The following CRYL1 variants were observed in gnomAD, a reference collection of about 807,000 sequenced individuals.
CRYL1 encodes the protein lambda-crystallin homolog.
In CRYL1, 29 loss-of-function variants were observed where a neutral mutation model predicts 36.6. The observed-to-expected ratio is 0.79, with a 90% CI of 0.59 to 1.08. The LOEUF (loss-of-function observed/expected upper bound fraction) is 1.08. CRYL1 is among the 50% of genes least tolerant of loss of function. The probability of loss-of-function intolerance (pLI) is 0.00; values close to 1 mark genes in which losing one functional copy is unlikely to be tolerated. For missense variants in CRYL1, 411 were observed against 407.9 expected (o/e 1.01, Z -0.06); for synonymous variants, 152 against 151.5 (o/e 1.00, Z -0.02).
At position 20,512,165 on chromosome 13, in the gene CRYL1, G is replaced by A. The variant is rs111691268; in HGVS notation, c.149+278C>T. 4.3e-3 allele frequency among the ~76,000 whole-genome samples: 648 copies of A among 152,276 alleles called. 3 individuals carry two copies. Among genetic ancestry groups the A allele is most frequent in the African/African-American group, 0.015 (622 of 41,554 alleles). On this transcript the variant is annotated intron_variant, in intron 2 of 7. Transcript: ENST00000298248. ...CAGGAAACCCCAGCCCTCCAGCCCC[G>A]GGGCAAACAGCTGGAGAAGCCTGCA... is the stretch of plus-strand genomic sequence containing the variant.
At chr13:20,490,203 CA>C (rs1254571485) in intron 2 of CRYL1, among the ~76,000 whole-genome samples, 1 of 152,128 alleles carries the variant, frequency 6.6e-6, no homozygotes, top group Non-Finnish European at 1.5e-5. Context: ...CCAGCCTGGC[CA>C]GCATGGTGAA....
intron 5 of CRYL1, among the ~76,000 whole-genome samples, chr13:20,414,031 C>T (rs962571176): frequency 1.3e-5 from 2 of 151,836 alleles, no homozygotes; most frequent in Non-Finnish European, 2.9e-5. Context: ...AAAAATTCGC[C>T]GGGCATGGTG....
intron 3 of CRYL1, among the ~76,000 whole-genome samples, chr13:20,447,906 A>G (rs1443212021): frequency 1.3e-5 from 2 of 152,232 alleles, no homozygotes; most frequent in Non-Finnish European, 2.9e-5. Context: ...TCTCCTATTC[A>G]GGTATCTGAC....
At chr13:20,464,447 G>A (rs7337656) in intron 3 of CRYL1, among the ~76,000 whole-genome samples, 146,238 of 152,286 alleles carry the variant, frequency 0.96, 70,478 homozygotes, top group East Asian at 1. Context: ...ACAAAATAGT[G>A]TTACTGTTAT....
chr13:20,472,630 C>T (rs1048188948), intron 3 of CRYL1, among the ~76,000 whole-genome samples: 3 of 152,244 alleles, frequency 2.0e-5, no homozygotes, highest in Admixed American at 6.5e-5. Context: ...CTCCCAACCA[C>T]TGCCTTTACC....
intron 1 of CRYL1, among the ~76,000 whole-genome samples, chr13:20,519,488 C>T (rs111562328): frequency 0.025 from 3,776 of 151,684 alleles, 156 homozygotes; most frequent in African/African-American, 0.086. Flanking sequence ...ATGGGTTGGG[C>T]GCAGTGGCTC....
intron 3 of CRYL1, among the ~76,000 whole-genome samples, chr13:20,461,187 CT>C (rs1304453548): frequency 1.3e-5 from 2 of 152,180 alleles, no homozygotes; most frequent in Non-Finnish European, 2.9e-5. Flanking sequence ...GGGCATTTGT[CT>C]TTTTCTTACT....
intron 3 of CRYL1, among the ~76,000 whole-genome samples, chr13:20,440,120 T>G (rs966998653): frequency 6.6e-6 from 1 of 152,214 alleles, no homozygotes; most frequent in South Asian, 2.1e-4. Flanking sequence ...CCCTCCAGTT[T>G]CATGCCAGCT....
chr13:20,416,682 TTAGAATCGTATTTAG>T (rs2031675024), intron 5 of CRYL1, among the ~76,000 whole-genome samples: 1 of 152,250 alleles, frequency 6.6e-6, no homozygotes, highest in Admixed American at 6.5e-5. Flanking sequence ...CTTGGCTCTT[TTAGAATCGTATTTAG>T]TATTTTTAGA....
intron 2 of CRYL1, among the ~76,000 whole-genome samples, chr13:20,507,710 A>C (rs376850585): frequency 6.6e-6 from 1 of 152,136 alleles, no homozygotes; most frequent in Non-Finnish European, 1.5e-5. Flanking sequence ...CAAGGTCAGG[A>C]GATCGAGACC....
chr13:20,445,672 C>T (rs2032437335), intron 3 of CRYL1, among the ~76,000 whole-genome samples: 1 of 152,168 alleles, frequency 6.6e-6, no homozygotes, highest in South Asian at 2.1e-4. Flanking sequence ...ACCCTTAGGG[C>T]ATTCACATAA....
At chr13:20,436,673 C>T (rs750152184) in intron 4 of CRYL1, among the ~76,000 whole-genome samples, 2 of 152,168 alleles carry the variant, frequency 1.3e-5, no homozygotes, top group Non-Finnish European at 2.9e-5. Flanking sequence ...GCCTGGCCAG[C>T]GCCTTTCCCC....
chr13:20,426,970 C>T, intron 5 of CRYL1: 1 of 985,698 alleles, frequency 1.0e-6, no homozygotes, highest in Non-Finnish European at 1.2e-6. Context: ...ATTTCCGAAG[C>T]TCATCACCAC....
intron 6 of CRYL1, among the ~76,000 whole-genome samples, chr13:20,405,739 T>C (rs2031352758): frequency 6.6e-6 from 1 of 152,056 alleles, no homozygotes; most frequent in African/African-American, 2.4e-5. Flanking sequence ...CCTGGGACTT[T>C]GGTGAAGAGA....
At position 20,476,514 on chromosome 13, in the gene CRYL1, G is replaced by A. The variant is rs550712815; in HGVS notation, c.276+12856C>T. On this transcript the variant is annotated intron_variant, in intron 3 of 7. Transcript: ENST00000298248. ...TTCAAACAGACTTACTGGGCAACAAGTCTTTGAATATTGACTTTCAAATGA... is the reference window on the plus strand; with the variant it reads ...TTCAAACAGACTTACTGGGCAACAAATCTTTGAATATTGACTTTCAAATGA... Among the ~76,000 whole-genome samples, 7 of 152,272 alleles carry A rather than the reference G, an allele frequency of 4.6e-5. 1 individual carries two copies. Among genetic ancestry groups the A allele is most frequent in the Admixed American group, 3.9e-4 (6 of 15,294 alleles).
At chr13:20,521,059 C>T (rs1356802056) in intron 1 of CRYL1, among the ~76,000 whole-genome samples, 15 of 134,228 alleles carry the variant, frequency 1.1e-4, no homozygotes, top group Middle Eastern at 4.3e-3. Flanking sequence ...GCGGAGATCA[C>T]GCCACTGCAC....
chr13:20,404,608 G>T, intron 7 of CRYL1, 27 bp downstream of exon 7: 1 of 1,462,888 alleles, frequency 6.8e-7, no homozygotes, highest in East Asian at 2.3e-5. Context: ...ATGCTTCTCT[G>T]CAGTGAGTTG....
At chr13:20,494,322 T>C (rs1233103835) in intron 2 of CRYL1, among the ~76,000 whole-genome samples, 2 of 152,262 alleles carry the variant, frequency 1.3e-5, no homozygotes, top group African/African-American at 2.4e-5. Flanking sequence ...TTCCTTTTCA[T>C]AATTTATTTA....
At chr13:20,441,974 G>T (rs898779720) in intron 3 of CRYL1, among the ~76,000 whole-genome samples, 3 of 152,176 alleles carry the variant, frequency 2.0e-5, no homozygotes, top group Admixed American at 2.0e-4. Context: ...AGCCCATTGT[G>T]TTAACTCCCC....
Sources: gnomAD v4.1 joint callset for allele counts (sites outside exome capture counted in the v4.1 genomes callset) on GRCh38, gnomAD v4.1.1 for gene constraint, MANE v1.5 for transcripts, NCBI Gene and HGNC (gene_info 2026-07-23, HGNC 2026-07-21) for gene names.